Variants in CHSY3 observed in about 807,000 individuals in gnomAD.
The protein encoded by CHSY3 is N-acetylgalactosaminyl-proteoglycan 3-beta-glucuronosyltransferase 3.
Under a neutral mutation model 67.2 loss-of-function variants are expected in CHSY3, and 35 were observed. The ratio of observed to expected loss-of-function variants is 0.52; its 90% CI spans 0.40 to 0.69. The LOEUF (loss-of-function observed/expected upper bound fraction) is 0.69, where lower values mean the gene tolerates loss of function less well. CHSY3 is among the 30% of genes least tolerant of loss of function. The pLI, the probability that CHSY3 is intolerant of heterozygous loss-of-function variation, is 0.00. For synonymous variants in CHSY3, 474 were observed against 434.7 expected (o/e 1.09, Z -1.12); for missense variants, 1,069 against 1,138.5 (o/e 0.94, Z 0.88).
intron 2 of CHSY3, among the ~76,000 whole-genome samples, chr5:130,098,672 G>T (rs1229652409): frequency 6.6e-6 from 1 of 152,108 alleles, no homozygotes; most frequent in African/African-American, 2.4e-5. Flanking sequence ...AGAATATGAG[G>T]AAAAGGCAAG....
chr5:129,990,234 T>C (rs913721647), intron 2 of CHSY3, among the ~76,000 whole-genome samples: 1 of 152,120 alleles, frequency 6.6e-6, no homozygotes, highest in South Asian at 2.1e-4. Context: ...AATCCTTAAA[T>C]TAATCAAGGG....
At chr5:130,026,492 A>G (rs1182019561) in intron 2 of CHSY3, among the ~76,000 whole-genome samples, 4 of 151,760 alleles carry the variant, frequency 2.6e-5, no homozygotes, top group Admixed American at 6.6e-5. Flanking sequence ...AAATATTATT[A>G]TGGACTCTCA....
intron 2 of CHSY3, among the ~76,000 whole-genome samples, chr5:130,017,994 T>C (rs1020830310): frequency 6.6e-6 from 1 of 152,216 alleles, no homozygotes; most frequent in East Asian, 1.9e-4. Context: ...GTTCGGTTTC[T>C]GTGCCCACTG....
chr5:130,184,956 C>T lies in CHSY3; in HGVS notation c.1814C>T (p.Ser605Phe). 1 of 1,563,838 alleles carries T rather than the reference C, an allele frequency of 6.4e-7. No homozygotes were observed. Among genetic ancestry groups the T allele is most frequent in the Non-Finnish European group, 8.8e-7 (1 of 1,134,680 alleles). Residue 605 changes from serine (S) to phenylalanine (F), a missense_variant, in exon 3 of 3, where the codon TCT becomes TTT. Ser to Phe is a radical substitution (Grantham distance 155). Transcript: ENST00000305031. ...ATATCTAATTCTTTAAAGATATTAT[C>T]TTCTTTTCAAGGTGCCAAAGAAATG... ...SFISNSLKIL[S>F]SFQGAKEMGG... is the part of the protein sequence containing the mutation.
intron 2 of CHSY3, among the ~76,000 whole-genome samples, chr5:130,145,853 G>T (rs1769059599): frequency 6.6e-6 from 1 of 151,754 alleles, no homozygotes; most frequent in African/African-American, 2.4e-5. Context: ...GAAAAAAAAA[G>T]TTCAACATCA....
chr5:130,169,819 G>A (rs1013775873), intron 2 of CHSY3, among the ~76,000 whole-genome samples: 2 of 151,876 alleles, frequency 1.3e-5, no homozygotes, highest in Non-Finnish European at 2.9e-5. Flanking sequence ...TAGAAAGAAG[G>A]TAATTTCCTC....
At chr5:130,160,152 A>G (rs1340716861) in intron 2 of CHSY3, among the ~76,000 whole-genome samples, 6 of 152,208 alleles carry the variant, frequency 3.9e-5, no homozygotes, top group Admixed American at 3.9e-4. Flanking sequence ...GAGTATTTGC[A>G]TTCTATTTTT....
chr5:129,942,582 A>G lies in CHSY3; in HGVS notation c.1086+34222A>G, dbSNP rs557989966. Among the ~76,000 whole-genome samples the G allele has an allele frequency of 1.4e-3, 207 of 152,266 alleles. 2 individuals carry two copies. The highest frequency in any genetic ancestry group is 4.7e-3 in the African/African-American group (194 of 41,562). On this transcript the variant is annotated intron_variant, in intron 2 of 2. Coordinates refer to ENST00000305031, the MANE Select transcript of CHSY3 (RefSeq NM_175856.5). ...CCAGACACCCTGCCTAACATGATCT[A>G]TGTTAGCTTGTTTCATTTTTACAAT...
intron 2 of CHSY3, among the ~76,000 whole-genome samples, chr5:130,154,263 A>G (rs1240055828): frequency 1.3e-5 from 2 of 152,204 alleles, no homozygotes; most frequent in Non-Finnish European, 2.9e-5. Flanking sequence ...CAGTCCCAGT[A>G]GACAAGAATT....
At chr5:130,073,790 C>A (rs1310823891) in intron 2 of CHSY3, among the ~76,000 whole-genome samples, 2 of 152,102 alleles carry the variant, frequency 1.3e-5, no homozygotes, top group Non-Finnish European at 2.9e-5. Context: ...GTTTGCAGTG[C>A]ATACTTATGT....
chr5:129,998,266 C>G (rs1348946656), intron 2 of CHSY3, among the ~76,000 whole-genome samples: 1 of 152,064 alleles, frequency 6.6e-6, no homozygotes, highest in Non-Finnish European at 1.5e-5. Flanking sequence ...TTATTTTTCC[C>G]CACTTAAAAG....
intron 2 of CHSY3, among the ~76,000 whole-genome samples, chr5:130,078,761 A>G (rs1047463700): frequency 2.0e-5 from 3 of 152,132 alleles, no homozygotes; most frequent in African/African-American, 4.8e-5. Flanking sequence ...TCTTTTGCTC[A>G]GTGCTTGAAC....
intron 2 of CHSY3, among the ~76,000 whole-genome samples, chr5:130,093,502 T>C (rs970489766): frequency 3.3e-5 from 5 of 152,208 alleles, no homozygotes; most frequent in Admixed American, 2.6e-4. Flanking sequence ...ATACTACTAA[T>C]AATGATAATA....
chr5:130,081,871 C>G (rs1580714660), intron 2 of CHSY3, among the ~76,000 whole-genome samples: 2 of 152,168 alleles, frequency 1.3e-5, no homozygotes, highest in Middle Eastern at 6.8e-3. Context: ...AGAAAATGGA[C>G]TAATACATTC....
At position 130,143,730 on chromosome 5, in the gene CHSY3, G is replaced by GTATATATATATATATATATA. The variant is rs1285066017; in HGVS notation, c.1087-40498_1087-40497insATATATATATATATATATAT. Among the ~76,000 whole-genome samples the GTATATATATATATATATATA allele has an allele frequency of 3.2e-4, 33 of 104,510 alleles. 1 individual carries two copies. The highest frequency in any genetic ancestry group is 1.4e-3 in the African/African-American group (33 of 24,334). The allele number at this position is 104,510 out of a possible 152,430, so 68.6% of individuals were successfully genotyped here. On this transcript the variant is annotated intron_variant, in intron 2 of 2. Transcript: ENST00000305031. ...AGGGTATATATATATATGTGTGTGTGTGTGTATATATATATATATATATAT... is the reference window on the plus strand; with the variant it reads ...AGGGTATATATATATATGTGTGTGTGTATATATATATATATATATATGTGTATATATATATATATATATAT...
chr5:130,128,831 C>A (rs923484946), intron 2 of CHSY3, among the ~76,000 whole-genome samples: 4 of 151,598 alleles, frequency 2.6e-5, no homozygotes, highest in Non-Finnish European at 5.9e-5. Context: ...ATTTGCATGT[C>A]AATAATACCT....
chr5:129,990,978 T>C (rs1418832039), intron 2 of CHSY3, among the ~76,000 whole-genome samples: 1 of 151,996 alleles, frequency 6.6e-6, no homozygotes, highest in Non-Finnish European at 1.5e-5. Flanking sequence ...TCAGAAGTTA[T>C]TGTTAGCAAG....
At chr5:130,129,661 T>C (rs78444045) in intron 2 of CHSY3, among the ~76,000 whole-genome samples, 6,883 of 152,230 alleles carry the variant, frequency 0.045, 427 homozygotes, top group East Asian at 0.27. Context: ...TAAATTTTGT[T>C]ATAAAAACAT....
intron 2 of CHSY3, among the ~76,000 whole-genome samples, chr5:130,009,499 C>T (rs4577732): frequency 0.52 from 77,654 of 150,180 alleles, 20,689 homozygotes; most frequent in East Asian, 0.61. Context: ...ACATTACTGG[C>T]CACCAAAAAA....
Sources: allele counts gnomAD v4.1 joint callset (sites outside exome capture counted in the v4.1 genomes callset), GRCh38; gene constraint gnomAD v4.1.1; transcripts MANE v1.5; gene names NCBI Gene and HGNC (gene_info 2026-07-23, HGNC 2026-07-21).